Variants in KCTD16 observed in about 807,000 individuals in gnomAD.
KCTD16 encodes potassium channel tetramerization domain containing 16.
A neutral mutation model predicts 33.2 loss-of-function variants in KCTD16; 13 were observed. That is an observed-to-expected ratio of 0.39 (90% CI 0.25 to 0.62). The LOEUF (loss-of-function observed/expected upper bound fraction) is 0.62. Among genes scored for constraint, KCTD16 ranks in the 20% least tolerant of loss-of-function variants. KCTD16 has a pLI of 0.50. For missense variants in KCTD16, 441 were observed against 525.1 expected (o/e 0.84, Z 1.57); for synonymous variants, 197 against 195.3 (o/e 1.01, Z -0.07).
At chr5:144,296,444 A>C (rs962498288) in intron 3 of KCTD16, among the ~76,000 whole-genome samples, 12 of 152,234 alleles carry the variant, frequency 7.9e-5, no homozygotes, top group African/African-American at 2.9e-4. Flanking sequence ...ACTTTCTCCC[A>C]TGTTCAATTG....
At chr5:144,361,947 T>TGTGTGA (rs1491210958) in intron 3 of KCTD16, among the ~76,000 whole-genome samples, 1 of 141,704 alleles carries the variant, frequency 7.1e-6, no homozygotes, top group African/African-American at 2.6e-5. Flanking sequence ...TGTGTGTGTG[T>TGTGTGA]GATATATTTA....
intron 3 of KCTD16, among the ~76,000 whole-genome samples, chr5:144,424,787 TAA>T (rs995637453): frequency 2.6e-5 from 4 of 152,000 alleles, no homozygotes; most frequent in African/African-American, 9.7e-5. Flanking sequence ...ACTCCCACAA[TAA>T]AGTCATTAAT....
chr5:144,402,422 A>C (rs779520191), intron 3 of KCTD16, among the ~76,000 whole-genome samples: 4 of 152,126 alleles, frequency 2.6e-5, no homozygotes, highest in Non-Finnish European at 5.9e-5. Context: ...TCCTGTGTCG[A>C]GTGAGGTCGT....
At chr5:144,416,717 C>G (rs550492388) in intron 3 of KCTD16, among the ~76,000 whole-genome samples, 16 of 152,182 alleles carry the variant, frequency 1.1e-4, no homozygotes, top group Non-Finnish European at 2.2e-4. Context: ...CTATATCAAG[C>G]TCCAAAACAT....
intron 3 of KCTD16, among the ~76,000 whole-genome samples, chr5:144,220,596 ACT>A (rs1753716461): frequency 1.3e-4 from 20 of 152,070 alleles, no homozygotes; most frequent in Admixed American, 9.2e-4. Context: ...ATACATACAC[ACT>A]TACTATATAC....
intron 3 of KCTD16, among the ~76,000 whole-genome samples, chr5:144,238,207 A>G (rs1171555172): frequency 6.6e-6 from 1 of 152,162 alleles, no homozygotes; most frequent in Non-Finnish European, 1.5e-5. Context: ...AGCAAATATC[A>G]ACATGTTGAC....
In KCTD16 at chr5:144,334,737, C is replaced by T. The variant is rs138208032; in HGVS notation, c.832+127191C>T. ...ATGAAATGAGTGCAGTGAAAGGAAC[C>T]TGGCAGATACATTCCAGAGCCTTGC... On this transcript the variant is annotated intron_variant, in intron 3 of 3. Coordinates refer to ENST00000512467, the MANE Select transcript of KCTD16 (RefSeq NM_020768.4). Among the ~76,000 whole-genome samples, 5 of 152,238 alleles carry T rather than the reference C, an allele frequency of 3.3e-5. No individual in the cohort carries two copies. In the East Asian group the frequency reaches 9.6e-4, roughly 29 times the overall value.
chr5:144,430,334 T>C (rs1753430153), intron 3 of KCTD16, among the ~76,000 whole-genome samples: 3 of 152,084 alleles, frequency 2.0e-5, no homozygotes, highest in Admixed American at 6.6e-5. Flanking sequence ...AACAGGAGGA[T>C]AGAATGATAA....
intron 3 of KCTD16, among the ~76,000 whole-genome samples, chr5:144,472,232 G>A (rs1251384612): frequency 1.3e-5 from 2 of 152,164 alleles, no homozygotes; most frequent in Non-Finnish European, 2.9e-5. Flanking sequence ...TACTTTTATG[G>A]ATTAAGTACA....
rs559331739 is a variant in KCTD16 at position 144,395,780 on chromosome 5, G to C, written c.833-77880G>C. On this transcript the variant is annotated intron_variant, in intron 3 of 3. Coordinates refer to ENST00000512467, the MANE Select transcript of KCTD16 (RefSeq NM_020768.4). ...CCATGGGAGGCCATCAAGCATCTTT[G>C]CCTGACAGCTGTGGTCCAGTAAACT... Among the ~76,000 whole-genome samples the C allele has an allele frequency of 3.9e-5, 6 of 152,248 alleles. No individual in the cohort carries two copies. In the South Asian group the frequency reaches 1.0e-3, roughly 26 times the overall value.
intron 3 of KCTD16, among the ~76,000 whole-genome samples, chr5:144,218,703 T>C (rs1041045846): frequency 6.6e-6 from 1 of 152,166 alleles, no homozygotes; most frequent in African/African-American, 2.4e-5. Flanking sequence ...ATCAAAATGG[T>C]ATATACCATT....
At chr5:144,313,128 C>T (rs1305823627) in intron 3 of KCTD16, among the ~76,000 whole-genome samples, 1 of 152,134 alleles carries the variant, frequency 6.6e-6, no homozygotes, top group African/African-American at 2.4e-5. Flanking sequence ...GGTTGATGAA[C>T]ATTATTTAAA....
chr5:144,242,275 T>C (rs1422711), intron 3 of KCTD16, among the ~76,000 whole-genome samples: 104,055 of 151,876 alleles, frequency 0.69, 37,280 homozygotes, highest in African/African-American at 0.91. Context: ...TAGTCTTGTC[T>C]ATAAAAAGAT....
At chr5:144,299,978 C>T (rs1227906544) in intron 3 of KCTD16, among the ~76,000 whole-genome samples, 2 of 150,950 alleles carry the variant, frequency 1.3e-5, no homozygotes, top group Non-Finnish European at 2.9e-5. Context: ...AAAAACTTGT[C>T]AGTAATCATT....
At chr5:144,273,739 G>C (rs1173757088) in intron 3 of KCTD16, among the ~76,000 whole-genome samples, 1 of 145,924 alleles carries the variant, frequency 6.9e-6, no homozygotes, top group Non-Finnish European at 1.5e-5. Context: ...TAATTATAGA[G>C]ACAGAAAGTA....
chr5:144,237,716 C>G (rs909870749), intron 3 of KCTD16, among the ~76,000 whole-genome samples: 1 of 152,080 alleles, frequency 6.6e-6, no homozygotes, highest in African/African-American at 2.4e-5. Flanking sequence ...AAGAAAATGG[C>G]TTATGCTTGC....
intron 3 of KCTD16, among the ~76,000 whole-genome samples, chr5:144,285,498 G>T (rs1022840842): frequency 6.6e-6 from 1 of 152,044 alleles, no homozygotes; most frequent in African/African-American, 2.4e-5. Flanking sequence ...CGCTTATGTA[G>T]CATCAAAGGG....
intron 3 of KCTD16, among the ~76,000 whole-genome samples, chr5:144,251,785 G>C (rs1191726212): frequency 4.6e-5 from 7 of 152,160 alleles, no homozygotes; most frequent in African/African-American, 1.7e-4. Flanking sequence ...CATCAGTATA[G>C]TATATGTAGT....
At chr5:144,213,559 C>A (rs1753467334) in intron 3 of KCTD16, among the ~76,000 whole-genome samples, 1 of 152,080 alleles carries the variant, frequency 6.6e-6, no homozygotes, top group Non-Finnish European at 1.5e-5. Flanking sequence ...CTCCTCAATC[C>A]TTATGTTTTT....
Sources: allele counts gnomAD v4.1 joint callset (sites outside exome capture counted in the v4.1 genomes callset), GRCh38; gene constraint gnomAD v4.1.1; transcripts MANE v1.5; gene names NCBI Gene and HGNC (gene_info 2026-07-23, HGNC 2026-07-21).